The following SLC49A4 variants were observed in gnomAD, a reference collection of about 807,000 sequenced individuals.
SLC49A4 encodes the protein solute carrier family 49 member 4.
Under a neutral mutation model 50.6 loss-of-function variants are expected in SLC49A4, and 36 were observed. That is an observed-to-expected ratio of 0.71 (90% CI 0.55 to 0.94). The LOEUF (loss-of-function observed/expected upper bound fraction) is 0.94. Ranked by LOEUF, SLC49A4 falls within the 40% of genes least tolerant of loss-of-function variation. SLC49A4 has a pLI of 0.00. For missense variants in SLC49A4, 503 were observed against 605.7 expected, an observed-to-expected ratio of 0.83 and a Z score of 1.78; for synonymous variants, 248 against 241.2, an observed-to-expected ratio of 1.03 and a Z score of -0.26.
chr3:122,879,195 C>A, intron 8 of SLC49A4, 68 bp from the exon 9 acceptor site: 1 of 1,127,198 alleles, frequency 8.9e-7, no homozygotes, highest in South Asian at 1.3e-5. Context: ...AGATTCCTTC[C>A]GGCATACAGG....
chr3:122,834,811 C>G (rs1936656118), intron 4 of SLC49A4, among the ~76,000 whole-genome samples: 1 of 151,956 alleles, frequency 6.6e-6, no homozygotes, highest in South Asian at 2.1e-4. Context: ...ACCCCATTAG[C>G]TAGATTAACC....
At chr3:122,815,700 A>C (rs552825731) in intron 2 of SLC49A4, among the ~76,000 whole-genome samples, 1 of 152,166 alleles carries the variant, frequency 6.6e-6, no homozygotes, top group Non-Finnish European at 1.5e-5. Flanking sequence ...TCTGGGCTCT[A>C]TCAGATCTTT....
chr3:122,871,936 AT>A, intron 7 of SLC49A4, among the ~76,000 whole-genome samples: 1 of 152,288 alleles, frequency 6.6e-6, no homozygotes, highest in Admixed American at 6.5e-5. Context: ...GACTAATTCC[AT>A]TGTGTTTCTC....
At chr3:122,821,088 A>T (rs969962768) in intron 2 of SLC49A4, among the ~76,000 whole-genome samples, 1 of 152,076 alleles carries the variant, frequency 6.6e-6, no homozygotes, top group Non-Finnish European at 1.5e-5. Flanking sequence ...CCCTGCACAC[A>T]CTGTCTTGCC....
chr3:122,861,531 T>C (rs2107580128), intron 7 of SLC49A4, among the ~76,000 whole-genome samples: 1 of 152,236 alleles, frequency 6.6e-6, no homozygotes, highest in East Asian at 1.9e-4. Context: ...TAAATAAGAG[T>C]CTGAAAGTGA....
At chr3:122,796,655 C>T (rs1030544220) in intron 1 of SLC49A4, among the ~76,000 whole-genome samples, 2 of 152,186 alleles carry the variant, frequency 1.3e-5, no homozygotes, top group African/African-American at 2.4e-5. Context: ...ACATGGGTTC[C>T]ACCCTCATAA....
intron 3 of SLC49A4, among the ~76,000 whole-genome samples, chr3:122,832,856 G>A (rs1936625742): frequency 1.3e-5 from 2 of 151,910 alleles, no homozygotes; most frequent in Admixed American, 6.6e-5. Context: ...GAGCAATCTT[G>A]GCTAGATACT....
intron 4 of SLC49A4, among the ~76,000 whole-genome samples, chr3:122,844,888 T>TAC (rs1491062296): frequency 6.9e-6 from 1 of 144,916 alleles, no homozygotes; most frequent in Non-Finnish European, 1.5e-5. Context: ...TATATATATA[T>TAC]ACCTGTACAT....
intron 8 of SLC49A4, among the ~76,000 whole-genome samples, chr3:122,875,377 G>T (rs1204907760): frequency 1.3e-5 from 2 of 152,114 alleles, no homozygotes; most frequent in Admixed American, 1.3e-4. Context: ...GGGAGACAGG[G>T]TCTTGCTCTG....
chr3:122,870,842 AT>A (rs201728326), intron 7 of SLC49A4, among the ~76,000 whole-genome samples: 2,618 of 147,746 alleles, frequency 0.018, 73 homozygotes, highest in African/African-American at 0.057. Flanking sequence ...AATAATAATA[AT>A]TAATTAATAA....
intron 5 of SLC49A4, among the ~76,000 whole-genome samples, chr3:122,853,127 A>G (rs1239740613): frequency 6.6e-6 from 1 of 152,108 alleles, no homozygotes; most frequent in East Asian, 1.9e-4. Context: ...CAAGGTTCCA[A>G]CTCATTTATA....
intron 8 of SLC49A4, among the ~76,000 whole-genome samples, chr3:122,877,202 A>C (rs1337595865): frequency 6.6e-6 from 1 of 152,182 alleles, no homozygotes; most frequent in Non-Finnish European, 1.5e-5. Context: ...GCACCTAAAC[A>C]GTGGTTTATG....
At chr3:122,833,822 CTTA>C (rs1466420851) in intron 4 of SLC49A4, among the ~76,000 whole-genome samples, 1 of 151,974 alleles carries the variant, frequency 6.6e-6, no homozygotes, top group Non-Finnish European at 1.5e-5. Flanking sequence ...ATTATTTTAA[CTTA>C]TTATGTATTT....
At chr3:122,805,324 A>G (rs1404605455) in intron 1 of SLC49A4, among the ~76,000 whole-genome samples, 7 of 152,236 alleles carry the variant, frequency 4.6e-5, no homozygotes, top group Admixed American at 1.3e-4. Context: ...TAAGAATATT[A>G]TAAAGTAATT....
chr3:122,807,171 CAT>C (rs1371660558), intron 2 of SLC49A4, among the ~76,000 whole-genome samples: 3 of 151,712 alleles, frequency 2.0e-5, no homozygotes, highest in African/African-American at 4.8e-5. Flanking sequence ...CAATAATAAT[CAT>C]GTGAAAATAA....
At chr3:122,858,609 CCATAT>C (rs3079399) in intron 6 of SLC49A4, among the ~76,000 whole-genome samples, 7,624 of 152,082 alleles carry the variant, frequency 0.05, 251 homozygotes, top group Middle Eastern at 0.11. Flanking sequence ...ACATGATTAA[CCATAT>C]CATGTCAAAT....
At chr3:122,857,492 A>ATTGAT (rs1937003933) in intron 6 of SLC49A4, among the ~76,000 whole-genome samples, 1 of 152,162 alleles carries the variant, frequency 6.6e-6, no homozygotes, top group South Asian at 2.1e-4. Context: ...TATAAGATCC[A>ATTGAT]CATATCACCT....
intron 7 of SLC49A4, among the ~76,000 whole-genome samples, chr3:122,864,772 G>C (rs1179130679): frequency 1.3e-5 from 2 of 152,186 alleles, no homozygotes; most frequent in Non-Finnish European, 2.9e-5. Context: ...CCAGCACTTT[G>C]GGAGGCCAAG....
chr3:122,834,995 A>T (rs1936659571), intron 4 of SLC49A4, among the ~76,000 whole-genome samples: 1 of 152,208 alleles, frequency 6.6e-6, no homozygotes, highest in African/African-American at 2.4e-5. Flanking sequence ...TCCTAGATTA[A>T]ATCAGGAAGA....
Sources: gnomAD v4.1 joint callset for allele counts (sites outside exome capture counted in the v4.1 genomes callset) on GRCh38, gnomAD v4.1.1 for gene constraint, MANE v1.5 for transcripts, NCBI Gene and HGNC (gene_info 2026-07-23, HGNC 2026-07-21) for gene names.